Variants in TSHR observed in about 807,000 individuals in gnomAD.
TSHR encodes the protein thyrotropin receptor.
Under a neutral mutation model 64.1 loss-of-function variants are expected in TSHR, and 51 were observed. That is an observed-to-expected ratio of 0.80 (90% CI 0.64 to 1.01). The LOEUF (loss-of-function observed/expected upper bound fraction) is 1.01, where lower values mean the gene tolerates loss of function less well. TSHR is among the 50% of genes least tolerant of loss of function. TSHR has a pLI of 0.00. For synonymous variants in TSHR, 361 were observed against 361.9 expected, an observed-to-expected ratio of 1.00 and a Z score of 0.03; for missense variants, 877 against 942.8, an observed-to-expected ratio of 0.93 and a Z score of 0.91.
At chr14:81,062,994 C>G (rs1886350116) in intron 2 of TSHR, among the ~76,000 whole-genome samples, 1 of 152,080 alleles carries the variant, frequency 6.6e-6, no homozygotes, top group African/African-American at 2.4e-5. Context: ...TTGCTAAATG[C>G]CCACTAGAGA....
chr14:81,097,519 G>A (rs531989927), intron 7 of TSHR, among the ~76,000 whole-genome samples: 4 of 151,972 alleles, frequency 2.6e-5, no homozygotes, highest in Admixed American at 6.6e-5. Flanking sequence ...ATTTGGCCTC[G>A]GGATTCCATA....
chr14:81,107,969 C>T (rs1018532616), intron 7 of TSHR, among the ~76,000 whole-genome samples: 16 of 152,066 alleles, frequency 1.1e-4, no homozygotes, highest in Non-Finnish European at 1.9e-4. Flanking sequence ...TCATTCCATT[C>T]CTAATTTAAG....
intron 8 of TSHR, among the ~76,000 whole-genome samples, chr14:81,120,143 A>G (rs1485356327): frequency 2.0e-5 from 3 of 150,480 alleles, no homozygotes; most frequent in East Asian, 3.9e-4. Context: ...ACTAACCTGC[A>G]CAATGTGCAC....
chr14:81,137,351 C>T (rs1891495588), intron 8 of TSHR, among the ~76,000 whole-genome samples: 1 of 152,268 alleles, frequency 6.6e-6, no homozygotes, highest in East Asian at 1.9e-4. Flanking sequence ...AAAGAAGGCA[C>T]CGAATTCTTT....
intron 7 of TSHR, among the ~76,000 whole-genome samples, chr14:81,101,968 G>A (rs180928980): frequency 8.4e-4 from 127 of 152,082 alleles, no homozygotes; most frequent in African/African-American, 2.8e-3. Flanking sequence ...TCAGGAGATC[G>A]AGACCATCCT....
intron 1 of TSHR, chr14:80,991,858 A>G (rs772012937): frequency 3.0e-6 from 1 of 334,978 alleles, no homozygotes; most frequent in Non-Finnish European, 5.4e-6. Context: ...TCGGTCATAC[A>G]TATCTGAGGG....
chr14:80,970,519 A>G (rs1025601643), intron 1 of TSHR, among the ~76,000 whole-genome samples: 3 of 152,220 alleles, frequency 2.0e-5, no homozygotes, highest in African/African-American at 7.2e-5. Flanking sequence ...CTGAGCTTTC[A>G]TTCTCTTCTT....
chr14:81,007,796 G>C (rs978997534), intron 1 of TSHR, among the ~76,000 whole-genome samples: 13 of 152,334 alleles, frequency 8.5e-5, no homozygotes, highest in African/African-American at 3.1e-4. Context: ...GAGAAGTACT[G>C]TCCTGATTGA....
intron 3 of TSHR, among the ~76,000 whole-genome samples, chr14:81,075,036 CCT>C (rs1289053489): frequency 6.6e-6 from 1 of 152,218 alleles, no homozygotes; most frequent in Admixed American, 6.5e-5. Context: ...GGCCTAAAGG[CCT>C]CTCTGTATGC....
intron 9 of TSHR, among the ~76,000 whole-genome samples, chr14:81,142,347 T>C (rs1031624842): frequency 6.6e-5 from 10 of 151,980 alleles, no homozygotes; most frequent in Admixed American, 4.6e-4. Context: ...CCCAAAGTGC[T>C]GGGATTGAGT....
chr14:81,090,774 A>C (rs148268903), intron 4 of TSHR, among the ~76,000 whole-genome samples: 1 of 152,156 alleles, frequency 6.6e-6, no homozygotes, highest in Non-Finnish European at 1.5e-5. Context: ...CGAAAACTGA[A>C]TTTATATTTC....
intron 7 of TSHR, among the ~76,000 whole-genome samples, chr14:81,097,278 A>G (rs1889268957): frequency 6.6e-6 from 1 of 151,902 alleles, no homozygotes; most frequent in South Asian, 2.1e-4. Context: ...TTTCAAATTT[A>G]CCTGCTCATT....
intron 8 of TSHR, among the ~76,000 whole-genome samples, chr14:81,135,633 T>C (rs564945333): frequency 2.0e-5 from 3 of 152,244 alleles, no homozygotes; most frequent in South Asian, 4.1e-4. Context: ...GGCATGAACG[T>C]AGGGCAAGGG....
At chr14:81,124,667 G>A (rs1386470534) in intron 8 of TSHR, among the ~76,000 whole-genome samples, 1 of 151,966 alleles carries the variant, frequency 6.6e-6, no homozygotes, top group Non-Finnish European at 1.5e-5. Flanking sequence ...ATTCTCACCA[G>A]CAAGGTATGA....
intron 1 of TSHR, among the ~76,000 whole-genome samples, chr14:81,005,361 C>T (rs575216750): frequency 6.6e-6 from 1 of 151,880 alleles, no homozygotes; most frequent in South Asian, 2.1e-4. Flanking sequence ...GTATAATATA[C>T]TATGTAAATT....
intron 3 of TSHR, among the ~76,000 whole-genome samples, chr14:81,070,229 C>T (rs778821751): frequency 3.9e-5 from 6 of 152,084 alleles, no homozygotes; most frequent in Non-Finnish European, 5.9e-5. Flanking sequence ...CATCAAGTCA[C>T]GTATGTTAGA....
chr14:81,138,542 A>AT (rs1404413938), intron 8 of TSHR, among the ~76,000 whole-genome samples: 4 of 152,010 alleles, frequency 2.6e-5, no homozygotes, highest in Non-Finnish European at 5.9e-5. Context: ...TAGATTATAT[A>AT]TTTTTTTAAT....
At chr14:80,968,557 T>A (rs901336771) in intron 1 of TSHR, among the ~76,000 whole-genome samples, 5 of 152,174 alleles carry the variant, frequency 3.3e-5, no homozygotes, top group Non-Finnish European at 7.3e-5. Context: ...TTGACTCCAA[T>A]CCTAGATTTG....
chr14:81,105,308 T>C, intron 7 of TSHR: 1 of 880,612 alleles, frequency 1.1e-6, no homozygotes, highest in South Asian at 5.2e-5. Context: ...CTTCTGTATA[T>C]GTATTTCCCC....
Sources: allele counts gnomAD v4.1 joint callset (sites outside exome capture counted in the v4.1 genomes callset), GRCh38; gene constraint gnomAD v4.1.1; transcripts MANE v1.5; gene names NCBI Gene and HGNC (gene_info 2026-07-23, HGNC 2026-07-21).